Variants in EP300 observed in about 807,000 individuals in gnomAD.
The protein encoded by EP300 is EP300 lysine acetyltransferase, also known as histone acetyltransferase p300.
A neutral mutation model predicts 264.0 loss-of-function variants in EP300; 31 were observed. The observed-to-expected ratio is 0.12, with a 90% CI of 0.09 to 0.16. EP300 has a LOEUF of 0.16. EP300 is among the 10% of genes least tolerant of loss of function. The pLI is 1.00. For missense variants in EP300, 2,766 were observed against 3,052.9 expected, an observed-to-expected ratio of 0.91 and a Z score of 2.21; for synonymous variants, 1,340 against 1,045.4, an observed-to-expected ratio of 1.28 and a Z score of -5.44.
In EP300 at chr22:41,135,865, T is replaced by C. The variant is rs1483297439; in HGVS notation, c.1581T>C (p.Leu527=). ...GTGTAGGAGTTCAAACGCCGAGTCT[T>C]CTTTCTGACTCAATGTTGCATTCAG... is the stretch of plus-strand genomic sequence containing the variant. The part of the protein sequence containing the change: ...NGGVGVQTPS[L]LSDSMLHSAI... Residue 527 remains leucine (L), a synonymous_variant, in exon 7 of 31, where the codon CTT becomes CTC. Transcript: ENST00000263253. 3.1e-6 allele frequency: 5 copies of C among 1,614,028 alleles called. No individual in the cohort carries two copies. Among genetic ancestry groups the C allele is most frequent in the Non-Finnish European group, 4.2e-6 (5 of 1,180,016 alleles).
At chr22:41,124,776 A>G (rs186726099) in intron 2 of EP300, among the ~76,000 whole-genome samples, 60 of 152,376 alleles carry the variant, frequency 3.9e-4, no homozygotes, top group Admixed American at 5.9e-4. Context: ...CTTGTTTAAC[A>G]GAATTAAATG....
In EP300 at chr22:41,157,282, C is replaced by G. The variant is rs149806482; in HGVS notation, c.3375C>G (p.Phe1125Leu). 29 of 1,613,988 alleles carry G rather than the reference C, an allele frequency of 1.8e-5. No individual in the cohort carries two copies. Among genetic ancestry groups the G allele is most frequent in the Non-Finnish European group, 2.3e-5 (27 of 1,180,028 alleles). The change falls in exon 18 of 31, where the codon TTC becomes TTG. Residue 1125 changes from phenylalanine (F) to leucine (L), a missense_variant. Coordinates refer to ENST00000263253, the MANE Select transcript of EP300 (RefSeq NM_001429.4). ...WQYVDDIWLM[F>L]NNAWLYNRKT... ...ATGTCGATGATATTTGGCTTATGTT[C>G]AATAATGCCTGGTTATATAACCGGA...
chr22:41,131,225 G>T (rs1248455323), intron 5 of EP300, among the ~76,000 whole-genome samples, 163 bp from the exon 6 acceptor site: 1 of 152,070 alleles, frequency 6.6e-6, no homozygotes, highest in South Asian at 2.1e-4. Flanking sequence ...AATCAGTTCT[G>T]CATCTAGAAA....
chr22:41,109,261 AAAAAAAAC>A (rs1450871682), intron 1 of EP300, among the ~76,000 whole-genome samples: 7 of 151,108 alleles, frequency 4.6e-5, no homozygotes, highest in Admixed American at 4.0e-4. Flanking sequence ...CTCAAAAAAA[AAAAAAAAC>A]AAAAAAAAAC....
intron 22 of EP300, among the ~76,000 whole-genome samples, chr22:41,164,878 T>C: frequency 6.6e-6 from 1 of 152,148 alleles, no homozygotes; most frequent in Non-Finnish European, 1.5e-5. Context: ...GGAGGGGCCA[T>C]CGCTCTGTAC....
intron 22 of EP300, among the ~76,000 whole-genome samples, chr22:41,164,419 TA>T (rs1601629552): frequency 6.6e-6 from 1 of 152,144 alleles, no homozygotes; most frequent in African/African-American, 2.4e-5. Context: ...ACATCAAAAG[TA>T]AATATTTATG....
At chr22:41,130,126 T>C in intron 5 of EP300, 123 bp downstream of exon 5, 2 of 761,332 alleles carry the variant, frequency 2.6e-6, no homozygotes, top group East Asian at 5.4e-5. Flanking sequence ...TAAATGTTTT[T>C]TTCCCTTTTA....
intron 2 of EP300, among the ~76,000 whole-genome samples, chr22:41,118,272 G>A (rs944576910): frequency 6.6e-6 from 1 of 152,102 alleles, no homozygotes; most frequent in Non-Finnish European, 1.5e-5. Flanking sequence ...GGAAATTAAG[G>A]TGCATTTGTT....
rs182788896 is a variant in EP300, at chr22:41,124,696, G to T, written c.730-1168G>T. On this transcript the variant is annotated intron_variant, in intron 2 of 30. Coordinates refer to ENST00000263253, the MANE Select transcript of EP300 (RefSeq NM_001429.4). The stretch of plus-strand genomic sequence containing the variant: ...TCAAATGCTTGAACATGACAAAGGG[G>T]TTAGATGGCTTATTAAGTTGAATTC... 6.4e-3 allele frequency among the ~76,000 whole-genome samples: 974 copies of T among 152,238 alleles called. 9 individuals are homozygous for T. The highest frequency in any genetic ancestry group is 0.026 in the South Asian group (126 of 4,826).
At chr22:41,127,788 A>G (rs1323057821) in intron 4 of EP300, 40 bp downstream of exon 4, 2 of 1,612,528 alleles carry the variant, frequency 1.2e-6, no homozygotes, top group Non-Finnish European at 1.7e-6. Flanking sequence ...AGCAATTTTT[A>G]CAGCCAGGGA....
chr22:41,100,953 T>C (rs1484405695), intron 1 of EP300, among the ~76,000 whole-genome samples: 1 of 152,112 alleles, frequency 6.6e-6, no homozygotes, highest in Non-Finnish European at 1.5e-5. Context: ...TAAGATGTCT[T>C]GTATACGTAA....
At chr22:41,127,314 T>C (rs1399543037) in intron 3 of EP300, among the ~76,000 whole-genome samples, 173 bp from the exon 4 acceptor site, 1 of 152,178 alleles carries the variant, frequency 6.6e-6, no homozygotes, top group Non-Finnish European at 1.5e-5. Context: ...TCTTATTAAA[T>C]TGAGCTTCTT....
rs986839189 is a variant in EP300, at chr22:41,163,217, C to T, written c.3728+438C>T. Among the ~76,000 whole-genome samples, 6 of 141,644 alleles carry T rather than the reference C, an allele frequency of 4.2e-5. No individual in the cohort carries two copies. In the East Asian group the frequency reaches 6.6e-4, roughly 15 times the overall value. 92.9% of individuals were successfully genotyped at this position (141,644 alleles called of 152,430 possible). A position where few individuals can be genotyped will look rare whatever the true frequency, so the allele number is the denominator to read the frequency against. ...TTGGGAGGCCGAGGCGGGCAGATCA[C>T]GAGGTCAGGAGATCGAGACCATCCC... is the stretch of plus-strand genomic sequence containing the variant. On this transcript the variant is annotated intron_variant, in intron 21 of 30. Coordinates refer to ENST00000263253, the MANE Select transcript of EP300 (RefSeq NM_001429.4).
At chr22:41,114,824 GA>G (rs11387442) in intron 1 of EP300, among the ~76,000 whole-genome samples, 9 of 147,988 alleles carry the variant, frequency 6.1e-5, no homozygotes, top group African/African-American at 1.0e-4. Context: ...GGATTGGGAA[GA>G]AAAAAAAAAA....
intron 28 of EP300, 69 bp from the exon 29 acceptor site, chr22:41,173,554 T>G: frequency 6.7e-7 from 1 of 1,487,916 alleles, no homozygotes; most frequent in Non-Finnish European, 9.3e-7. Flanking sequence ...AGAAGGGAGA[T>G]ATTCTGTGCT....
intron 2 of EP300, among the ~76,000 whole-genome samples, chr22:41,123,901 G>A (rs1458766708): frequency 1.3e-5 from 2 of 152,102 alleles, no homozygotes; most frequent in African/African-American, 4.8e-5. Context: ...TATTATTATA[G>A]TATAATGGCT....
At chr22:41,115,297 G>T (rs970693091) in intron 1 of EP300, among the ~76,000 whole-genome samples, 4 of 152,186 alleles carry the variant, frequency 2.6e-5, no homozygotes, top group Admixed American at 2.6e-4. Context: ...TAAGTAGAAA[G>T]ACCAGGAGTC....
At chr22:41,137,226 G>A (rs1268369755) in intron 7 of EP300, among the ~76,000 whole-genome samples, 5 of 146,146 alleles carry the variant, frequency 3.4e-5, no homozygotes, top group African/African-American at 1.0e-4. Context: ...ACGTGGTGGC[G>A]GGTGCCTGTA....
chr22:41,093,179 TC>T (rs1276794878), intron 1 of EP300, 81 bp downstream of exon 1: 2 of 1,367,832 alleles, frequency 1.5e-6, no homozygotes, highest in East Asian at 4.6e-5. Flanking sequence ...ATTTTTTTTT[TC>T]TTCCTCTCTC....
Sources: allele counts gnomAD v4.1 joint callset (sites outside exome capture counted in the v4.1 genomes callset), GRCh38; gene constraint gnomAD v4.1.1; transcripts MANE v1.5; gene names NCBI Gene and HGNC (gene_info 2026-07-23, HGNC 2026-07-21).